The following COL6A2 variants were observed in gnomAD, a reference collection of about 807,000 sequenced individuals.
COL6A2 encodes the protein collagen type VI alpha 2 chain.
In COL6A2, 90 loss-of-function variants were observed where a neutral mutation model predicts 124.9. The observed-to-expected ratio is 0.72, with a 90% CI of 0.61 to 0.86. The LOEUF is 0.86. COL6A2 is among the 40% of genes least tolerant of loss of function. The probability of loss-of-function intolerance (pLI) is 0.00; values close to 1 mark genes in which losing one functional copy is unlikely to be tolerated. For synonymous variants in COL6A2, 793 were observed against 618.2 expected, an observed-to-expected ratio of 1.28 and a Z score of -4.19; for missense variants, 1,607 against 1,502.5, an observed-to-expected ratio of 1.07 and a Z score of -1.15.
At chr21:46,131,492 C>CT (rs2078759291) in intron 27 of COL6A2, among the ~76,000 whole-genome samples, 1 of 152,208 alleles carries the variant, frequency 6.6e-6, no homozygotes, top group Non-Finnish European at 1.5e-5. Context: ...CCAGCCAGCT[C>CT]TAGGTGTTCT....
intron 18 of COL6A2, 83 bp downstream of exon 18, chr21:46,121,701 C>G (rs917618078): frequency 1.4e-6 from 2 of 1,409,708 alleles, no homozygotes; most frequent in African/African-American, 1.4e-5. Context: ...GCCTGGGGGA[C>G]CCTGTTGCCG....
At chr21:46,104,133 T>C (rs1374550586) in intron 1 of COL6A2, among the ~76,000 whole-genome samples, 4 of 151,300 alleles carry the variant, frequency 2.6e-5, no homozygotes, top group Non-Finnish European at 5.9e-5. Flanking sequence ...GAGATTTTGA[T>C]TTCACAAGGC....
rs528635866 is a variant in COL6A2, at chr21:46,124,917, C to T, written c.1767C>T (p.Leu589=). Residue 589 remains leucine, a synonymous_variant, in exon 23 of 28, where the codon CTC becomes CTT. Transcript: ENST00000300527. The part of the protein sequence containing the change: ...GEPGPPGDPG[L]TECDVMTYVR... The stretch of plus-strand genomic sequence containing the variant: ...CCGGCCCCCCTGGAGACCCCGGTCT[C>T]ACGGTAGGTGTCACATGGGGCAGAA... 8.2e-5 allele frequency: 133 copies of T among 1,612,918 alleles called. No homozygotes were observed. The South Asian group carries it at 1.4e-3, about 17-fold the overall frequency.
Position 46,132,422 on chromosome 21 carries a change from G to A in COL6A2, c.2930G>A (p.Gly977Asp). The A allele has an allele frequency of 1.9e-6, 3 of 1,607,174 alleles. No individual in the cohort carries two copies. The highest frequency in any genetic ancestry group is 2.5e-6 in the Non-Finnish European group (3 of 1,177,256). The part of the protein sequence containing the change: ...QNVVPTVLAL[G>D]SDVDMDVLTT... Reference sequence around the variant, plus strand: ...GTGGTACCCACCGTGCTGGCCTTGGGCAGCGACGTGGACATGGACGTGCTC... The same window carrying A: ...GTGGTACCCACCGTGCTGGCCTTGGACAGCGACGTGGACATGGACGTGCTC... Residue 977 changes from glycine (G) to aspartate (D), a missense_variant, in exon 28 of 28, where the codon GGC becomes GAC. Gly to Asp is a moderately conservative substitution (Grantham distance 94). This residue lies in a region of COL6A2 where 1,223 missense variants were observed against 1,052.2 expected (regional missense o/e 1.16). Coordinates refer to ENST00000300527, the MANE Select transcript of COL6A2 (RefSeq NM_001849.4).
At chr21:46,122,279 C>A in intron 19 of COL6A2, 121 bp downstream of exon 19, 1 of 1,288,454 alleles carries the variant, frequency 7.8e-7, no homozygotes. Context: ...GAGGTCCCTC[C>A]TGCGGGACAG....
At position 46,117,949 on chromosome 21, in the gene COL6A2, G is replaced by C. The variant is rs538649461; in HGVS notation, c.1116+13G>C. On this transcript the variant is annotated intron_variant, in intron 12 of 27. Transcript: ENST00000300527. ...CCAAGGCGGCAAGGTAAGTGGCCTT[G>C]TCAGGGTACGGGGCAGGCGGGGTCA... The C allele has an allele frequency of 4.3e-6, 7 of 1,611,312 alleles. No homozygotes were observed. Among genetic ancestry groups the C allele is most frequent in the African/African-American group, 1.3e-5 (1 of 75,010 alleles).
At chr21:46,107,895 C>T (rs2078351604) in intron 1 of COL6A2, among the ~76,000 whole-genome samples, 1 of 152,132 alleles carries the variant, frequency 6.6e-6, no homozygotes, top group South Asian at 2.1e-4. Context: ...CCCCAGCCAC[C>T]TTGGGTACAT....
rs556385546 is a variant in COL6A2 at position 46,132,414 on chromosome 21, G to A, written c.2922G>A (p.Leu974=). Residue 974 remains leucine, a synonymous_variant, in exon 28 of 28, where the codon CTG becomes CTA. Coordinates refer to ENST00000300527, the MANE Select transcript of COL6A2 (RefSeq NM_001849.4). ...AGCAGAACGTGGTACCCACCGTGCT[G>A]GCCTTGGGCAGCGACGTGGACATGG... is the stretch of plus-strand genomic sequence containing the variant. ...MRKQNVVPTV[L]ALGSDVDMDV... The A allele has an allele frequency of 3.0e-5, 49 of 1,607,796 alleles. No individual in the cohort carries two copies. The African/African-American group carries it at 3.5e-4, about 11-fold the overall frequency.
chr21:46,111,815 G>T (rs2078402737), intron 2 of COL6A2, among the ~76,000 whole-genome samples, 164 bp from the exon 3 acceptor site: 1 of 125,458 alleles, frequency 8.0e-6, no homozygotes, highest in Non-Finnish European at 1.7e-5. Context: ...TGGGCATTTG[G>T]GGGGCAGTTG....
chr21:46,132,399 G>C lies in COL6A2; in HGVS notation c.2907G>C (p.Val969=). The change falls in exon 28 of 28, where the codon GTG becomes GTC. Residue 969 remains valine, a synonymous_variant. Transcript: ENST00000300527. ...ESAHSMRKQN[V]VPTVLALGSD... is the part of the protein sequence containing the mutation. ...CGCACTCCATGCGCAAGCAGAACGT[G>C]GTACCCACCGTGCTGGCCTTGGGCA... is the stretch of plus-strand genomic sequence containing the variant. 6.2e-7 allele frequency: 1 copy of C among 1,609,182 alleles called. No homozygotes were observed. Among genetic ancestry groups the C allele is most frequent in the South Asian group, 1.1e-5 (1 of 91,064 alleles).
rs886044215 is a variant in COL6A2 at position 46,124,919 on chromosome 21, CG to C, written c.1770+1del. 1.5e-5 allele frequency: 24 copies of C among 1,612,786 alleles called. No individual in the cohort carries two copies. Among genetic ancestry groups the C allele is most frequent in the Non-Finnish European group, 1.9e-5 (23 of 1,180,020 alleles). ...GGCCCCCCTGGAGACCCCGGTCTCA[CG>C]GTAGGTGTCACATGGGGCAGAACCA... ...EPGPPGDPGL[T>X]ECDVMTYVRE... On this transcript the variant is annotated frameshift_variant and splice_region_variant, in exon 23 of 28. Transcript: ENST00000300527. LOFTEE classifies it high-confidence loss of function.
rs757377278 is a variant in COL6A2, at chr21:46,125,598, G to A, written c.1950G>A (p.Lys650=). ...NVVNRLGAIA[K]DPKSETGTRV... is the part of the protein sequence containing the mutation. ...TCAACAGGCTGGGTGCCATCGCTAAGGACCCCAAGTCCGAGACAGGTCAGC... is the reference window on the plus strand; with the variant it reads ...TCAACAGGCTGGGTGCCATCGCTAAAGACCCCAAGTCCGAGACAGGTCAGC... Residue 650 remains lysine, a synonymous_variant, in exon 25 of 28, where the codon AAG becomes AAA. Coordinates refer to ENST00000300527, the MANE Select transcript of COL6A2 (RefSeq NM_001849.4). 5 of 1,612,650 alleles carry A rather than the reference G, an allele frequency of 3.1e-6. No individual in the cohort carries two copies. The Admixed American group carries it at 5.0e-5, about 16-fold the overall frequency.
At chr21:46,128,859 C>T (rs762734964) in intron 27 of COL6A2, 80 of 1,533,602 alleles carry the variant, frequency 5.2e-5, no homozygotes, top group Non-Finnish European at 6.3e-5. Flanking sequence ...GACGGGCCTG[C>T]GGCACTGGAA....
At chr21:46,118,710 C>A in intron 13 of COL6A2, 34 bp downstream of exon 13, 1 of 1,591,306 alleles carries the variant, frequency 6.3e-7, no homozygotes, top group Non-Finnish European at 8.6e-7. Context: ...TGCAGCTGAG[C>A]TGGCCACACT....
chr21:46,123,762 G>T (rs1415939834), intron 21 of COL6A2, among the ~76,000 whole-genome samples: 1 of 135,000 alleles, frequency 7.4e-6, no homozygotes, highest in East Asian at 2.0e-4. Flanking sequence ...ATGGATGAGT[G>T]GGGGGATGGA....
intron 3 of COL6A2, 45 bp downstream of exon 3, chr21:46,112,622 C>A (rs2070957): frequency 6.2e-7 from 1 of 1,601,754 alleles, no homozygotes; most frequent in African/African-American, 1.3e-5. Flanking sequence ...GGGGTGGCCA[C>A]GGTGGGCCGT....
rs748286207 is a variant in COL6A2, at chr21:46,132,171, G to A, written c.2679G>A (p.Pro893=). 3.7e-5 allele frequency: 58 copies of A among 1,570,722 alleles called. No homozygotes were observed. The highest frequency in any genetic ancestry group is 2.0e-4 in the South Asian group (17 of 86,598). ...GGPGEQQVAF[P]LSHNLTAIHE... ...CCGGCGAGCAGCAGGTGGCCTTCCC[G>A]CTGAGCCACAACCTCACGGCCATCC... The change falls in exon 28 of 28, where the codon CCG becomes CCA. Residue 893 remains proline, a synonymous_variant. Coordinates refer to ENST00000300527, the MANE Select transcript of COL6A2 (RefSeq NM_001849.4).
intron 1 of COL6A2, among the ~76,000 whole-genome samples, chr21:46,108,785 G>A (rs892346827): frequency 8.5e-5 from 13 of 152,170 alleles, no homozygotes; most frequent in Non-Finnish European, 1.8e-4. Flanking sequence ...ATATTGGCTA[G>A]AATTTTTGTG....
At chr21:46,127,815 C>T (rs1555876341) in intron 27 of COL6A2, among the ~76,000 whole-genome samples, 2 of 152,326 alleles carry the variant, frequency 1.3e-5, no homozygotes, top group South Asian at 2.1e-4. Context: ...TGGGTGGGTG[C>T]TGCGTCTGTG....
Sources: gnomAD v4.1 joint callset for allele counts (sites outside exome capture counted in the v4.1 genomes callset) on GRCh38, gnomAD v4.1.1 for gene constraint, gnomAD v4.1.1 regional missense constraint, MANE v1.5 for transcripts, NCBI Gene and HGNC (gene_info 2026-07-23, HGNC 2026-07-21) for gene names.